The following ANGPTL2 variants were observed in gnomAD, a reference collection of about 807,000 sequenced individuals.
The protein encoded by ANGPTL2 is angiopoietin-related protein 2.
A neutral mutation model predicts 52.8 loss-of-function variants in ANGPTL2; 25 were observed. The ratio of observed to expected loss-of-function variants is 0.47; its 90% CI spans 0.35 to 0.66. ANGPTL2 has a LOEUF of 0.66. ANGPTL2 is among the 30% of genes least tolerant of loss of function. ANGPTL2 has a pLI of 0.01. For synonymous variants in ANGPTL2, 276 were observed against 277.4 expected (o/e 1.00, Z 0.05); for missense variants, 546 against 656.9 (o/e 0.83, Z 1.84).
chr9:127,095,831 G>A (rs945530219), intron 2 of ANGPTL2, among the ~76,000 whole-genome samples: 1 of 152,138 alleles, frequency 6.6e-6, no homozygotes, highest in African/African-American at 2.4e-5. Flanking sequence ...ATCTCAGGTG[G>A]GCTGTTCCTG....
chr9:127,088,960 C>T lies in ANGPTL2; in HGVS notation c.1461G>A (p.Pro487=), dbSNP rs138279434. 8.2e-5 allele frequency: 132 copies of T among 1,614,044 alleles called. No homozygotes were observed. The highest frequency in any genetic ancestry group is 1.0e-4 in the Non-Finnish European group (119 of 1,180,040). ...TGGCTTAGTGGAAGGTGTTGGGGTT[C>T]GGTCGGATCATCATCACCACTTTCT... ...SLKKVVMMIR[P]NPNTFH The change falls in exon 5 of 5, where the codon CCG becomes CCA. Residue 487 remains proline (P), a synonymous_variant. Coordinates refer to ENST00000373425, the MANE Select transcript of ANGPTL2 (RefSeq NM_012098.3).
At chr9:127,095,586 C>A (rs1343120880) in intron 2 of ANGPTL2, among the ~76,000 whole-genome samples, 1 of 152,210 alleles carries the variant, frequency 6.6e-6, no homozygotes. Flanking sequence ...CGCTCTGACG[C>A]CCTGCAAGGG....
At chr9:127,106,333 A>G (rs2054212156) in intron 2 of ANGPTL2, among the ~76,000 whole-genome samples, 1 of 152,240 alleles carries the variant, frequency 6.6e-6, no homozygotes, top group Non-Finnish European at 1.5e-5. Flanking sequence ...TCTGATTTAA[A>G]GCAGACACGT....
intron 1 of ANGPTL2, among the ~76,000 whole-genome samples, chr9:127,115,247 TGG>T (rs1028058788): frequency 1.2e-4 from 18 of 152,106 alleles, no homozygotes; most frequent in African/African-American, 4.3e-4. Context: ...TGGAGTGCAA[TGG>T]CACCATCTCA....
At chr9:127,095,256 T>G (rs1245360661) in intron 2 of ANGPTL2, among the ~76,000 whole-genome samples, 1 of 151,896 alleles carries the variant, frequency 6.6e-6, no homozygotes, top group Non-Finnish European at 1.5e-5. Context: ...AAATTAGCCG[T>G]GTGTGGTGGC....
At chr9:127,095,028 A>T (rs1017507450) in intron 2 of ANGPTL2, among the ~76,000 whole-genome samples, 5 of 152,252 alleles carry the variant, frequency 3.3e-5, no homozygotes, top group Non-Finnish European at 5.9e-5. Flanking sequence ...AGGAAGCTTT[A>T]GAAGGTCAAG....
At chr9:127,109,922 A>G (rs1049924520) in intron 1 of ANGPTL2, among the ~76,000 whole-genome samples, 2 of 152,170 alleles carry the variant, frequency 1.3e-5, no homozygotes, top group African/African-American at 4.8e-5. Context: ...GAGGGAGGGG[A>G]GGACACGTGC....
chr9:127,100,984 G>A (rs1234564982), intron 2 of ANGPTL2, among the ~76,000 whole-genome samples: 1 of 152,154 alleles, frequency 6.6e-6, no homozygotes, highest in African/African-American at 2.4e-5. Context: ...CTGAAAGCAG[G>A]ACATTTGTCT....
chr9:127,093,681 G>A, intron 3 of ANGPTL2, 52 bp downstream of exon 3: 5 of 1,599,340 alleles, frequency 3.1e-6, no homozygotes, highest in Admixed American at 1.7e-5. Flanking sequence ...GCCTCTCTTG[G>A]GGTGGGCCAG....
chr9:127,091,546 C>T lies in ANGPTL2; in HGVS notation c.1282+124G>A. On this transcript the variant is annotated intron_variant, in intron 4 of 4. Coordinates refer to ENST00000373425, the MANE Select transcript of ANGPTL2 (RefSeq NM_012098.3). This position sits in a 1 kb window ranked among gnomAD's most constrained non-coding sequence, Gnocchi z 4.3. ...CTCAGGGGGTGGTAACAGGGTCAGG[C>T]AGCTTGGCCCAGCTGCTTCTCACCC... 7.4e-7 allele frequency: 1 copy of T among 1,348,576 alleles called. No homozygotes were observed. Among genetic ancestry groups the T allele is most frequent in the Non-Finnish European group, 1.0e-6 (1 of 991,082 alleles). The allele number at this position is 1,348,576 out of a possible 1,614,324, so 83.5% of individuals were successfully genotyped here.
intron 2 of ANGPTL2, among the ~76,000 whole-genome samples, chr9:127,099,102 G>A (rs1219317396): frequency 2.0e-5 from 3 of 152,168 alleles, no homozygotes; most frequent in Non-Finnish European, 4.4e-5. Flanking sequence ...TGCCCACAGC[G>A]GGACTGGACC....
chr9:127,111,585 G>T (rs925770386), intron 1 of ANGPTL2, among the ~76,000 whole-genome samples: 1 of 152,220 alleles, frequency 6.6e-6, no homozygotes, highest in African/African-American at 2.4e-5. Flanking sequence ...TCAGAGCTGC[G>T]CAGAGGAGGG....
In ANGPTL2 at chr9:127,108,080, G is replaced by T. The variant is rs766591374; in HGVS notation, c.652C>A (p.Pro218Thr). The change falls in exon 2 of 5, where the codon CCC becomes ACC. Residue 218 changes from proline (P) to threonine (T), a missense_variant. Around this residue, in one of 2 missense-constraint regions of ANGPTL2, gnomAD observed 285 missense variants for 295.8 expected, o/e 0.96. Transcript: ENST00000373425. ...PSARPVPQPP[P>T]AAPPRVYQPP... ...TGGTAGACCCGGGGCGGGGCAGCGG[G>T]GGGTGGCTGGGGGACGGGCCTGGCC... 6 of 1,611,612 alleles carry T rather than the reference G, an allele frequency of 3.7e-6. No homozygotes were observed. The highest frequency in any genetic ancestry group is 2.2e-5 in the South Asian group (2 of 90,898).
chr9:127,095,218 G>A (rs1022844966), intron 2 of ANGPTL2, among the ~76,000 whole-genome samples: 4 of 152,164 alleles, frequency 2.6e-5, no homozygotes, highest in Non-Finnish European at 4.4e-5. Flanking sequence ...CTAACATGGT[G>A]AAACCCTGTC....
intron 2 of ANGPTL2, among the ~76,000 whole-genome samples, chr9:127,095,902 G>C (rs1490615937): frequency 6.6e-6 from 1 of 152,204 alleles, no homozygotes; most frequent in East Asian, 1.9e-4. Flanking sequence ...GGCAGGGGCT[G>C]TCTTGCTCAT....
In ANGPTL2 at chr9:127,115,209, G is replaced by A. The variant is rs2055275617; in HGVS notation, c.-49-6429C>T. ...ATTATTATTATTATTATTATTTTGA[G>A]ATGGAGTTTCGCTCTTGTCACCCAG... On this transcript the variant is annotated intron_variant, in intron 1 of 4. Coordinates refer to ENST00000373425, the MANE Select transcript of ANGPTL2 (RefSeq NM_012098.3). 2.6e-5 allele frequency among the ~76,000 whole-genome samples: 4 copies of A among 151,756 alleles called. No individual in the cohort carries two copies. In the South Asian group the frequency reaches 8.3e-4, roughly 32 times the overall value.
chr9:127,113,585 C>T (rs186350316), intron 1 of ANGPTL2, among the ~76,000 whole-genome samples: 1 of 128,996 alleles, frequency 7.8e-6, no homozygotes, highest in South Asian at 2.6e-4. Flanking sequence ...TCACTTTTTT[C>T]CTGTGTCCAA....
At chr9:127,109,054 C>T (rs894519720) in intron 1 of ANGPTL2, among the ~76,000 whole-genome samples, 5 of 152,228 alleles carry the variant, frequency 3.3e-5, no homozygotes, top group African/African-American at 1.2e-4. Flanking sequence ...GAGCCAGCTC[C>T]AATGCCCGCA....
At chr9:127,112,397 C>G (rs947312978) in intron 1 of ANGPTL2, among the ~76,000 whole-genome samples, 1 of 152,234 alleles carries the variant, frequency 6.6e-6, no homozygotes, top group Admixed American at 6.5e-5. Context: ...GGCTGCTCAC[C>G]TGAGGCAGTG....
Sources: allele counts gnomAD v4.1 joint callset (sites outside exome capture counted in the v4.1 genomes callset), GRCh38; gene constraint gnomAD v4.1.1; regional missense constraint gnomAD v4.1.1; non-coding constraint Gnocchi (gnomAD v3.1); transcripts MANE v1.5; gene names NCBI Gene and HGNC (gene_info 2026-07-23, HGNC 2026-07-21).